Variants in CLASP2 observed in about 807,000 individuals in gnomAD.
CLASP2 encodes CLIP-associating protein 2.
Under a neutral mutation model 194.4 loss-of-function variants are expected in CLASP2, and 47 were observed. That is an observed-to-expected ratio of 0.24 (90% CI 0.19 to 0.31). The LOEUF (loss-of-function observed/expected upper bound fraction) is 0.31, where lower values mean the gene tolerates loss of function less well. Ranked by LOEUF, CLASP2 falls within the 10% of genes least tolerant of loss-of-function variation. The pLI is 1.00. For missense variants in CLASP2, 1,445 were observed against 1,823.6 expected, an observed-to-expected ratio of 0.79 and a Z score of 3.78; for synonymous variants, 619 against 633.5, an observed-to-expected ratio of 0.98 and a Z score of 0.34.
chr3:33,531,731 C>T (rs1388275370), intron 34 of CLASP2, among the ~76,000 whole-genome samples: 1 of 152,126 alleles, frequency 6.6e-6, no homozygotes, highest in Non-Finnish European at 1.5e-5. Flanking sequence ...GCCAAGATCG[C>T]GCCATTGCAC....
At chr3:33,623,171 T>G (rs1488401801) in intron 10 of CLASP2, among the ~76,000 whole-genome samples, 2 of 152,234 alleles carry the variant, frequency 1.3e-5, no homozygotes, top group Non-Finnish European at 2.9e-5. Flanking sequence ...ATGAAGTACA[T>G]GTGATATTTT....
At chr3:33,563,044 G>A (rs2062048767) in intron 27 of CLASP2, among the ~76,000 whole-genome samples, 1 of 151,934 alleles carries the variant, frequency 6.6e-6, no homozygotes, top group South Asian at 2.1e-4. Context: ...TTCATTTTAT[G>A]GCTAATCTTT....
intron 27 of CLASP2, among the ~76,000 whole-genome samples, chr3:33,566,451 C>T (rs144459093): frequency 3.7e-4 from 56 of 152,230 alleles, no homozygotes; most frequent in East Asian, 1.5e-3. Flanking sequence ...TTAAAATATT[C>T]GAGCTATTAC....
chr3:33,701,658 C>T (rs1473467156), intron 1 of CLASP2, among the ~76,000 whole-genome samples: 1 of 152,272 alleles, frequency 6.6e-6, no homozygotes, highest in Non-Finnish European at 1.5e-5. Context: ...TAGACATACA[C>T]ATATATAGTC....
intron 27 of CLASP2, among the ~76,000 whole-genome samples, chr3:33,565,929 G>C (rs1158143679): frequency 6.6e-6 from 1 of 151,986 alleles, no homozygotes; most frequent in Non-Finnish European, 1.5e-5. Flanking sequence ...TTATGTTTTG[G>C]GGAGTTAAAA....
chr3:33,557,135 G>A (rs1462443550), intron 29 of CLASP2, among the ~76,000 whole-genome samples: 1 of 151,540 alleles, frequency 6.6e-6, no homozygotes, highest in East Asian at 2.0e-4. Flanking sequence ...CATCACCCCT[G>A]GCTAATTTTT....
At chr3:33,517,224 A>C in intron 34 of CLASP2, 50 bp from the exon 35 acceptor site, 6 of 1,422,218 alleles carry the variant, frequency 4.2e-6, no homozygotes, top group Non-Finnish European at 5.7e-6. Flanking sequence ...GGTGACTCTC[A>C]CAAGTATGGG....
At chr3:33,582,900 A>G (rs1428067390) in intron 22 of CLASP2, among the ~76,000 whole-genome samples, 1 of 152,218 alleles carries the variant, frequency 6.6e-6, no homozygotes, top group Non-Finnish European at 1.5e-5. Context: ...AGAATAAATG[A>G]AAAGCGCTAG....
intron 6 of CLASP2, among the ~76,000 whole-genome samples, chr3:33,682,046 CACCA>C (rs34697997): frequency 0.18 from 27,883 of 152,018 alleles, 2,906 homozygotes; most frequent in Admixed American, 0.31. Context: ...GAGAGGCCCT[CACCA>C]GAAGCCTAGC....
At chr3:33,644,251 C>T (rs2081895027) in intron 8 of CLASP2, 2 of 154,764 alleles carry the variant, frequency 1.3e-5, no homozygotes, top group Admixed American at 1.3e-4. Flanking sequence ...AATCCAGGAA[C>T]CATTTTTGAG....
intron 16 of CLASP2, among the ~76,000 whole-genome samples, chr3:33,605,468 T>A (rs1281748900): frequency 1.3e-5 from 2 of 152,162 alleles, no homozygotes; most frequent in Non-Finnish European, 2.9e-5. Context: ...GCAACTGAAC[T>A]TTAGTACAGT....
At chr3:33,526,012 G>A (rs180847215) in intron 34 of CLASP2, among the ~76,000 whole-genome samples, 3 of 151,964 alleles carry the variant, frequency 2.0e-5, no homozygotes, top group Admixed American at 2.0e-4. Context: ...TCTGACCAGG[G>A]GGCGGAAGGG....
chr3:33,517,698 G>C (rs1169549792), intron 34 of CLASP2, among the ~76,000 whole-genome samples: 1 of 151,928 alleles, frequency 6.6e-6, no homozygotes, highest in Non-Finnish European at 1.5e-5. Flanking sequence ...GTTTCACTTT[G>C]TCGCCAAGGC....
chr3:33,586,787 A>G (rs1371457742), intron 21 of CLASP2, among the ~76,000 whole-genome samples: 1 of 152,128 alleles, frequency 6.6e-6, no homozygotes, highest in East Asian at 1.9e-4. Flanking sequence ...CTGTATGATT[A>G]TATGTTATAC....
At chr3:33,545,909 G>GA (rs398062225) in intron 30 of CLASP2, among the ~76,000 whole-genome samples, 10,481 of 124,564 alleles carry the variant, frequency 0.084, 718 homozygotes, top group African/African-American at 0.22. Flanking sequence ...GACTTAAAAG[G>GA]AAAAAAAAAA....
intron 33 of CLASP2, among the ~76,000 whole-genome samples, chr3:33,538,179 C>T (rs988581191): frequency 5.3e-5 from 8 of 151,680 alleles, no homozygotes; most frequent in Admixed American, 5.3e-4. Flanking sequence ...GGCCCATGTT[C>T]CACTCCTTTT....
chr3:33,623,953 G>C (rs1559429386), intron 10 of CLASP2, among the ~76,000 whole-genome samples: 1 of 151,958 alleles, frequency 6.6e-6, no homozygotes, highest in Non-Finnish European at 1.5e-5. Flanking sequence ...TTCCTCTAAG[G>C]TCTGGAATAA....
At chr3:33,510,047 T>A (rs894496396) in intron 37 of CLASP2, among the ~76,000 whole-genome samples, 3 of 152,336 alleles carry the variant, frequency 2.0e-5, no homozygotes, top group South Asian at 2.1e-4. Flanking sequence ...TGGCATATTA[T>A]TCATTCATAA....
intron 24 of CLASP2, chr3:33,574,325 T>C: frequency 1.8e-6 from 1 of 555,782 alleles, no homozygotes; most frequent in East Asian, 3.1e-5. Context: ...AGTATCTCTC[T>C]CGATAACCAT....
Sources: gnomAD v4.1 joint callset for allele counts (sites outside exome capture counted in the v4.1 genomes callset) on GRCh38, gnomAD v4.1.1 for gene constraint, MANE v1.5 for transcripts, NCBI Gene and HGNC (gene_info 2026-07-23, HGNC 2026-07-21) for gene names.